EEPD1: variants seen among roughly 807,000 people sequenced by gnomAD.
EEPD1 encodes endonuclease/exonuclease/phosphatase family domain containing 1.
Under a neutral mutation model 46.3 loss-of-function variants are expected in EEPD1, and 17 were observed. The observed-to-expected ratio is 0.37, with a 90% confidence interval of 0.25 to 0.55. The LOEUF is 0.55. Ranked by LOEUF, EEPD1 falls within the 20% of genes least tolerant of loss-of-function variation. The pLI, the probability that EEPD1 is intolerant of heterozygous loss-of-function variation, is 0.83. For synonymous variants in EEPD1, 313 were observed against 315.6 expected (o/e 0.99, Z 0.09); for missense variants, 673 against 745.6 (o/e 0.90, Z 1.13).
chr7:36,256,448 G>A (rs1786829551), intron 3 of EEPD1, among the ~76,000 whole-genome samples: 2 of 152,144 alleles, frequency 1.3e-5, no homozygotes, highest in Admixed American at 1.3e-4. Context: ...ATTATTGTGT[G>A]GGATTCTAAG....
chr7:36,242,220 G>A (rs1239706359), intron 3 of EEPD1, among the ~76,000 whole-genome samples: 1 of 152,194 alleles, frequency 6.6e-6, no homozygotes, highest in Non-Finnish European at 1.5e-5. Flanking sequence ...ATAAAGGACT[G>A]CAACACTGTG....
intron 3 of EEPD1, among the ~76,000 whole-genome samples, chr7:36,277,716 A>G (rs1390877103): frequency 2.6e-5 from 4 of 152,232 alleles, no homozygotes; most frequent in African/African-American, 4.8e-5. Flanking sequence ...TCTGGTCATG[A>G]AAATTAGGAC....
At chr7:36,252,251 G>T (rs1003230883) in intron 3 of EEPD1, among the ~76,000 whole-genome samples, 2 of 152,226 alleles carry the variant, frequency 1.3e-5, no homozygotes, top group Admixed American at 1.3e-4. Context: ...CAGACCTGAA[G>T]GTTTTGGGGG....
chr7:36,292,851 C>T (rs1044887258), intron 6 of EEPD1, among the ~76,000 whole-genome samples: 1 of 152,138 alleles, frequency 6.6e-6, no homozygotes, highest in South Asian at 2.1e-4. Flanking sequence ...GGTTTTGTTT[C>T]ATTTTCAGCC....
chr7:36,244,767 ATTT>A (rs140539379), intron 3 of EEPD1, among the ~76,000 whole-genome samples: 27,655 of 107,586 alleles, frequency 0.26, 2,719 homozygotes, highest in East Asian at 0.37. Context: ...TTCAGAGTTG[ATTT>A]TTTTTTTTTT....
chr7:36,172,245 C>T (rs1045230894), intron 2 of EEPD1, among the ~76,000 whole-genome samples: 9 of 152,212 alleles, frequency 5.9e-5, no homozygotes, highest in African/African-American at 1.9e-4. Flanking sequence ...CTTTCTTTCA[C>T]CTGCCTCAAG....
At chr7:36,239,089 A>C in intron 3 of EEPD1, 53 bp downstream of exon 3, 1 of 1,575,414 alleles carries the variant, frequency 6.3e-7, no homozygotes, top group Non-Finnish European at 8.7e-7. Flanking sequence ...GGAGGGCCAC[A>C]CATAAGAAAA....
At chr7:36,204,207 A>G (rs766119304) in intron 2 of EEPD1, among the ~76,000 whole-genome samples, 13 of 151,498 alleles carry the variant, frequency 8.6e-5, no homozygotes, top group Non-Finnish European at 1.9e-4. Context: ...GCCAATTAAA[A>G]AAAAATTTTG....
chr7:36,287,110 A>AGGTG (rs1787352072), intron 5 of EEPD1, among the ~76,000 whole-genome samples: 1 of 151,552 alleles, frequency 6.6e-6, no homozygotes, highest in East Asian at 1.9e-4. Flanking sequence ...GGTGGCACAC[A>AGGTG]CCTATAATCC....
chr7:36,263,628 G>A (rs1215893260), intron 3 of EEPD1, among the ~76,000 whole-genome samples: 1 of 152,200 alleles, frequency 6.6e-6, no homozygotes, highest in Non-Finnish European at 1.5e-5. Flanking sequence ...GGGTAAACCT[G>A]GAAGAGAAGA....
At chr7:36,232,175 T>G (rs9638922) in intron 2 of EEPD1, among the ~76,000 whole-genome samples, 112,511 of 137,470 alleles carry the variant, frequency 0.82, 44,403 homozygotes, top group East Asian at 0.98. Flanking sequence ...ATGTTGCTGG[T>G]TTTTTTTTTT....
chr7:36,233,695 G>T (rs536514749), intron 2 of EEPD1, among the ~76,000 whole-genome samples: 144 of 152,290 alleles, frequency 9.5e-4, no homozygotes, highest in African/African-American at 3.3e-3. Context: ...GGAGGAGATG[G>T]CACTCCCAGT....
intron 3 of EEPD1, among the ~76,000 whole-genome samples, chr7:36,272,949 A>G (rs1228695820): frequency 6.6e-6 from 1 of 152,212 alleles, no homozygotes; most frequent in South Asian, 2.1e-4. Context: ...CGGAGTGGGC[A>G]TGGCCCACCA....
intron 2 of EEPD1, among the ~76,000 whole-genome samples, chr7:36,188,733 C>T (rs915240114): frequency 1.3e-5 from 2 of 151,936 alleles, no homozygotes; most frequent in African/African-American, 2.4e-5. Flanking sequence ...TCCTAGTCAT[C>T]TGCTGAAATG....
chr7:36,286,331 C>G (rs1294707085), intron 5 of EEPD1, among the ~76,000 whole-genome samples: 6 of 152,228 alleles, frequency 3.9e-5, no homozygotes, highest in African/African-American at 1.4e-4. Context: ...AAGATGCTTT[C>G]TCTAGCAGGC....
At position 36,287,942 on chromosome 7, in the gene EEPD1, C is replaced by G. The variant is rs527424946; in HGVS notation, c.1315+165C>G. Among the ~76,000 whole-genome samples the G allele has an allele frequency of 1.4e-4, 22 of 152,354 alleles. No homozygotes were observed. The South Asian group carries it at 4.6e-3, about 32-fold the overall frequency. On this transcript the variant is annotated intron_variant, in intron 6 of 7. Transcript: ENST00000242108. Reference sequence around the variant, plus strand: ...GGCATCTCATGGAGCCCAGCTGACCCTGCACGGCCACATCTGTGCCTCTGT... The same window carrying G: ...GGCATCTCATGGAGCCCAGCTGACCGTGCACGGCCACATCTGTGCCTCTGT...
At chr7:36,165,923 G>T (rs1280442883) in intron 2 of EEPD1, among the ~76,000 whole-genome samples, 4 of 152,108 alleles carry the variant, frequency 2.6e-5, no homozygotes, top group Non-Finnish European at 2.9e-5. Flanking sequence ...CTTTTATTTT[G>T]ATTTAATACC....
intron 2 of EEPD1, among the ~76,000 whole-genome samples, chr7:36,155,517 A>G (rs903838614): frequency 1.3e-5 from 2 of 152,196 alleles, no homozygotes; most frequent in African/African-American, 2.4e-5. Flanking sequence ...CAAGTCAGGC[A>G]CTCAGAGCAT....
chr7:36,159,912 A>T (rs1300213564), intron 2 of EEPD1, among the ~76,000 whole-genome samples: 2 of 152,258 alleles, frequency 1.3e-5, no homozygotes, highest in Non-Finnish European at 2.9e-5. Context: ...GGTGTTTCTA[A>T]ATAGAAAGAT....
Sources: gnomAD v4.1 joint callset for allele counts (sites outside exome capture counted in the v4.1 genomes callset) on GRCh38, gnomAD v4.1.1 for gene constraint, MANE v1.5 for transcripts, NCBI Gene and HGNC (gene_info 2026-07-23, HGNC 2026-07-21) for gene names.